The following RETREG3 variants were observed in gnomAD, a reference collection of about 807,000 sequenced individuals.
RETREG3 encodes reticulophagy regulator family member 3.
Under a neutral mutation model 50.2 loss-of-function variants are expected in RETREG3, and 23 were observed. The observed-to-expected ratio is 0.46, with a 90% CI of 0.33 to 0.65. The LOEUF is 0.65. Among genes scored for constraint, RETREG3 ranks in the 30% least tolerant of loss-of-function variants. The pLI, the probability that RETREG3 is intolerant of heterozygous loss-of-function variation, is 0.02. For missense variants in RETREG3, 546 were observed against 598.0 expected, an observed-to-expected ratio of 0.91 and a Z score of 0.91; for synonymous variants, 240 against 234.4, an observed-to-expected ratio of 1.02 and a Z score of -0.22.
In RETREG3 at chr17:42,586,774, G is replaced by T. The variant is rs189259624; in HGVS notation, c.495C>A (p.Asn165Lys). Residue 165 changes from asparagine (N) to lysine (K), a missense_variant, in exon 4 of 9, where the codon AAC becomes AAA. Coordinates refer to ENST00000309428, the MANE Select transcript of RETREG3 (RefSeq NM_178126.4). ...IRNVLLFKKQ[N>K]PGKFCLLSCG... The stretch of plus-strand genomic sequence containing the variant: ...AAGGGAAGAGTCTTACCTTGCCTGG[G>T]TTTTGCTTTTTGAAAAGCAAAACAT... 2 of 1,613,970 alleles carry T rather than the reference G, an allele frequency of 1.2e-6. No individual in the cohort carries two copies. The highest frequency in any genetic ancestry group is 2.2e-5 in the East Asian group (1 of 44,880).
intron 1 of RETREG3, among the ~76,000 whole-genome samples, chr17:42,593,547 G>A (rs1209177416): frequency 6.6e-6 from 1 of 151,644 alleles, no homozygotes; most frequent in Non-Finnish European, 1.5e-5. Flanking sequence ...CTGCTCGGGA[G>A]GCTGAGACGA....
chr17:42,605,779 G>A (rs2093166778), intron 1 of RETREG3, among the ~76,000 whole-genome samples: 1 of 152,022 alleles, frequency 6.6e-6, no homozygotes, highest in South Asian at 2.1e-4. Flanking sequence ...GATCACCTGA[G>A]GTCAGGAGTT....
In RETREG3 at chr17:42,594,936, C is replaced by T. The variant is rs184443144; in HGVS notation, c.240-2774G>A. 7.5e-5 allele frequency among the ~76,000 whole-genome samples: 11 copies of T among 145,804 alleles called. No individual in the cohort carries two copies. In the East Asian group the frequency reaches 1.4e-3, roughly 18 times the overall value. ...TGGGGGACTGGCCTAAGGAACTTTA[C>T]GTTTTGTTTGTAGATTTTTTTTTTT... On this transcript the variant is annotated intron_variant, in intron 1 of 8. Coordinates refer to ENST00000309428, the MANE Select transcript of RETREG3 (RefSeq NM_178126.4).
chr17:42,606,822 C>T (rs981835482), intron 1 of RETREG3, among the ~76,000 whole-genome samples: 6 of 151,608 alleles, frequency 4.0e-5, no homozygotes, highest in African/African-American at 1.2e-4. Flanking sequence ...CCTGGCAAAA[C>T]TGTCTCTACA....
intron 1 of RETREG3, among the ~76,000 whole-genome samples, chr17:42,603,687 C>G (rs1281403648): frequency 6.6e-6 from 1 of 152,154 alleles, no homozygotes; most frequent in Non-Finnish European, 1.5e-5. Context: ...CATTAGAAAT[C>G]TGATGTGTAG....
chr17:42,593,938 C>T (rs147232074), intron 1 of RETREG3, among the ~76,000 whole-genome samples: 1 of 152,288 alleles, frequency 6.6e-6, no homozygotes, highest in Non-Finnish European at 1.5e-5. Context: ...TGCCTGTAAT[C>T]CCAGCACTTT....
intron 1 of RETREG3, chr17:42,598,951 G>A (rs2093153340): frequency 6.6e-6 from 1 of 152,044 alleles, no homozygotes; most frequent in South Asian, 2.1e-4. Context: ...TTATTATAAG[G>A]GATATGTTTT....
intron 2 of RETREG3, among the ~76,000 whole-genome samples, chr17:42,591,034 AG>A (rs1348110567): frequency 6.6e-6 from 1 of 152,212 alleles, no homozygotes; most frequent in Non-Finnish European, 1.5e-5. Context: ...TTTATTTCCT[AG>A]CACTCCCTTT....
intron 1 of RETREG3, among the ~76,000 whole-genome samples, chr17:42,606,799 C>T (rs2093168542): frequency 2.0e-5 from 3 of 151,904 alleles, no homozygotes; most frequent in Middle Eastern, 3.2e-3. Flanking sequence ...GAGTTTGAGA[C>T]GAGCCTGGGC....
chr17:42,604,142 G>C (rs1313330337), intron 1 of RETREG3, among the ~76,000 whole-genome samples: 1 of 151,444 alleles, frequency 6.6e-6, no homozygotes, highest in Admixed American at 6.6e-5. Flanking sequence ...CACTTTTTTG[G>C]GTCATTTTTA....
intron 1 of RETREG3, among the ~76,000 whole-genome samples, chr17:42,598,342 G>A (rs1475315465): frequency 6.6e-6 from 1 of 151,978 alleles, no homozygotes; most frequent in Non-Finnish European, 1.5e-5. Flanking sequence ...GACTAAAATT[G>A]ATTTATGGAC....
chr17:42,598,877 G>A (rs1332316268), intron 1 of RETREG3: 2 of 152,028 alleles, frequency 1.3e-5, no homozygotes, highest in Non-Finnish European at 2.9e-5. Context: ...GGTAAGGGCT[G>A]TAACAAGCAA....
Position 42,609,286 on chromosome 17 carries a change from C to T in RETREG3, c.39G>A (p.Pro13=), listed in dbSNP as rs1157651475. Residue 13 remains proline, a synonymous_variant, in exon 1 of 9, where the codon CCG becomes CCA. Transcript: ENST00000309428. ...GGCCCCTGAAAGTCGACCCCGAAGCCGGGCCTGGGGTCGTGGGAACCCCTT... is the reference window on the plus strand; with the variant it reads ...GGCCCCTGAAAGTCGACCCCGAAGCTGGGCCTGGGGTCGTGGGAACCCCTT... ...EAEGVPTTPG[P]ASGSTFRGRR... is the part of the protein sequence containing the mutation. The T allele has an allele frequency of 1.2e-6, 2 of 1,603,542 alleles. No individual in the cohort carries two copies. Among genetic ancestry groups the T allele is most frequent in the Non-Finnish European group, 1.7e-6 (2 of 1,179,732 alleles).
At chr17:42,583,166 A>AT (rs2093113666) in intron 7 of RETREG3, among the ~76,000 whole-genome samples, 1 of 152,172 alleles carries the variant, frequency 6.6e-6, no homozygotes, top group African/African-American at 2.4e-5. Flanking sequence ...TGGTAGGAGG[A>AT]TACACATACT....
intron 1 of RETREG3, among the ~76,000 whole-genome samples, chr17:42,594,563 G>C (rs530526340): frequency 1.1e-4 from 17 of 151,516 alleles, no homozygotes; most frequent in African/African-American, 4.1e-4. Flanking sequence ...CAAAATAAAG[G>C]CTGGGCGCGG....
chr17:42,585,882 A>G (rs571708774), intron 5 of RETREG3, among the ~76,000 whole-genome samples, 171 bp downstream of exon 5: 4 of 152,246 alleles, frequency 2.6e-5, no homozygotes, highest in African/African-American at 7.2e-5. Context: ...GTATGTGGAG[A>G]GCCTGCTAAA....
At position 42,586,471 on chromosome 17, in the gene RETREG3, A is replaced by C. The variant is rs1408865298; in HGVS notation, c.504+294T>G. The stretch of plus-strand genomic sequence containing the variant: ...CACACAAAACCCAAAAAAACACAAC[A>C]ACCTATCACATATTTAATATGACAC... On this transcript the variant is annotated intron_variant, in intron 4 of 8. Coordinates refer to ENST00000309428, the MANE Select transcript of RETREG3 (RefSeq NM_178126.4). The C allele has an allele frequency of 9.6e-6, 4 of 417,270 alleles. No homozygotes were observed. The South Asian group carries it at 1.0e-4, about 11-fold the overall frequency. 25.8% of individuals were successfully genotyped at this position (417,270 alleles called of 1,614,324 possible). A position where few individuals can be genotyped will look rare whatever the true frequency, so the allele number is the denominator to read the frequency against.
At chr17:42,591,995 G>A in intron 2 of RETREG3, 61 bp downstream of exon 2, 4 of 1,403,776 alleles carry the variant, frequency 2.8e-6, no homozygotes, top group Non-Finnish European at 4.0e-6. Context: ...TAATACTAAA[G>A]GTACAAATTA....
chr17:42,603,490 C>A (rs1394411623), intron 1 of RETREG3, among the ~76,000 whole-genome samples: 2 of 152,132 alleles, frequency 1.3e-5, no homozygotes, highest in Admixed American at 6.5e-5. Context: ...TGCAAAAAAA[C>A]CAGAAATGAA....
Sources: gnomAD v4.1 joint callset for allele counts (sites outside exome capture counted in the v4.1 genomes callset) on GRCh38, gnomAD v4.1.1 for gene constraint, MANE v1.5 for transcripts, NCBI Gene and HGNC (gene_info 2026-07-23, HGNC 2026-07-21) for gene names.